The following GRID2 variants were observed in gnomAD, a reference collection of about 807,000 sequenced individuals.
The protein encoded by GRID2 is glutamate receptor ionotropic, delta-2.
In GRID2, 33 loss-of-function variants were observed where a neutral mutation model predicts 114.8. The ratio of observed to expected loss-of-function variants is 0.29; its 90% CI spans 0.22 to 0.38. The LOEUF (loss-of-function observed/expected upper bound fraction) is 0.38, where lower values mean the gene tolerates loss of function less well. Ranked by LOEUF, GRID2 falls within the 10% of genes least tolerant of loss-of-function variation. GRID2 has a pLI of 1.00. For synonymous variants in GRID2, 505 were observed against 449.9 expected (o/e 1.12, Z -1.55); for missense variants, 1,184 against 1,257.7 (o/e 0.94, Z 0.89).
intron 8 of GRID2, among the ~76,000 whole-genome samples, chr4:93,258,125 T>G (rs1749829949): frequency 6.6e-6 from 1 of 151,284 alleles, no homozygotes; most frequent in African/African-American, 2.4e-5. Flanking sequence ...ATTAAAAAAT[T>G]TTATTCTCAT....
chr4:93,069,202 C>T (rs1279142932), intron 2 of GRID2, among the ~76,000 whole-genome samples: 1 of 151,346 alleles, frequency 6.6e-6, no homozygotes, highest in Non-Finnish European at 1.5e-5. Context: ...TGGGTGGGGA[C>T]AACATCCAAA....
At position 93,074,267 on chromosome 4, in the gene GRID2, A is replaced by G. The variant is rs117673676; in HGVS notation, c.245-10728A>G. On this transcript the variant is annotated intron_variant, in intron 2 of 15. Coordinates refer to ENST00000282020, the MANE Select transcript of GRID2 (RefSeq NM_001510.4). ...AGGAGAGTCTGTATCAATATATTCTATTTACCTCAGTCTGCAGTCTCTTAC... is the reference window on the plus strand; with the variant it reads ...AGGAGAGTCTGTATCAATATATTCTGTTTACCTCAGTCTGCAGTCTCTTAC... 2.0e-5 allele frequency among the ~76,000 whole-genome samples: 3 copies of G among 152,330 alleles called. No individual in the cohort carries two copies. In the East Asian group the frequency reaches 5.8e-4, roughly 29 times the overall value.
At chr4:92,667,789 T>C (rs1732861861) in intron 2 of GRID2, among the ~76,000 whole-genome samples, 1 of 151,780 alleles carries the variant, frequency 6.6e-6, no homozygotes, top group African/African-American at 2.4e-5. Context: ...TCTCATTCTC[T>C]TGCTTGGATT....
chr4:93,620,443 G>A (rs184410153), intron 13 of GRID2, among the ~76,000 whole-genome samples: 2 of 152,146 alleles, frequency 1.3e-5, no homozygotes, highest in Non-Finnish European at 2.9e-5. Context: ...AACAGGTAGC[G>A]ATAAGTCTGT....
At chr4:92,796,866 C>G (rs183051000) in intron 2 of GRID2, among the ~76,000 whole-genome samples, 2 of 151,950 alleles carry the variant, frequency 1.3e-5, no homozygotes, top group Admixed American at 1.3e-4. Context: ...ATGTTAGAGT[C>G]TATAGGTAGG....
chr4:93,421,101 G>A (rs934508631), intron 9 of GRID2, among the ~76,000 whole-genome samples: 8 of 152,082 alleles, frequency 5.3e-5, no homozygotes, highest in East Asian at 3.9e-4. Context: ...TCAGTGTCAG[G>A]GACATAGACT....
intron 2 of GRID2, among the ~76,000 whole-genome samples, chr4:92,825,787 C>T (rs542420773): frequency 2.0e-5 from 3 of 152,256 alleles, no homozygotes; most frequent in South Asian, 2.1e-4. Context: ...GTTCAATAGA[C>T]ACCTGGACAT....
intron 1 of GRID2, among the ~76,000 whole-genome samples, chr4:93,784,090 A>AAAAAAAAC (rs1734542128): frequency 6.7e-6 from 1 of 149,762 alleles, no homozygotes; most frequent in African/African-American, 2.5e-5. Flanking sequence ...AAAAAAAAAA[A>AAAAAAAAC]AAAAAAAAAC....
rs137929535 is a variant in GRID2, at chr4:92,420,859, A to G, written c.88+116115A>G. On this transcript the variant is annotated intron_variant, in intron 1 of 15. Coordinates refer to ENST00000282020, the MANE Select transcript of GRID2 (RefSeq NM_001510.4). ...GCCATCATGCCCAGCTAATTTTTGT[A>G]TTTTCAGAAGAGATAGTGTTTTCAC... Among the ~76,000 whole-genome samples the G allele has an allele frequency of 3.3e-3, 497 of 152,000 alleles. 4 individuals are homozygous for G. The highest frequency in any genetic ancestry group is 0.011 in the African/African-American group (448 of 41,466).
In GRID2 at chr4:93,161,587, A is replaced by G. The variant is rs553657651; in HGVS notation, c.736-45817A>G. Among the ~76,000 whole-genome samples, 251 of 151,934 alleles carry G rather than the reference A, an allele frequency of 1.7e-3. 1 individual carries two copies. The highest frequency in any genetic ancestry group is 0.014 in the Middle Eastern group (4 of 294). ...CAAACTTACTACATAATTATCGTTC[A>G]TGTGGTCTTTAGACCAGATTTTGAA... On this transcript the variant is annotated intron_variant, in intron 4 of 15. Transcript: ENST00000282020.
rs72873083 is a variant in GRID2, at chr4:93,687,208, C to T, written c.2360+60773C>T. 9.4e-3 allele frequency among the ~76,000 whole-genome samples: 1,426 copies of T among 152,032 alleles called. 24 individuals are homozygous for T. Among genetic ancestry groups the T allele is most frequent in the African/African-American group, 0.032 (1,329 of 41,500 alleles). ...TAAAGGATGTCTCTCAAATGTTTGG[C>T]CTTTGCACCAGAAAGATGGAGTACC... On this transcript the variant is annotated intron_variant, in intron 14 of 15. Coordinates refer to ENST00000282020, the MANE Select transcript of GRID2 (RefSeq NM_001510.4).
intron 1 of GRID2, among the ~76,000 whole-genome samples, chr4:92,444,663 T>C (rs1434645950): frequency 2.0e-5 from 3 of 152,148 alleles, no homozygotes; most frequent in Non-Finnish European, 4.4e-5. Context: ...CATTTCGTAC[T>C]ATGGATATAA....
intron 1 of GRID2, among the ~76,000 whole-genome samples, chr4:92,356,328 T>C (rs952718434): frequency 6.6e-6 from 1 of 151,502 alleles, no homozygotes; most frequent in Non-Finnish European, 1.5e-5. Context: ...GTTCACTATT[T>C]TAAGTGCAAA....
intron 2 of GRID2, among the ~76,000 whole-genome samples, chr4:93,061,771 C>T (rs1189292256): frequency 2.6e-5 from 4 of 152,070 alleles, no homozygotes. Flanking sequence ...ACACATTTTG[C>T]TTTTTAAATG....
intron 8 of GRID2, among the ~76,000 whole-genome samples, chr4:93,394,091 A>G (rs752918596): frequency 6.6e-6 from 1 of 152,030 alleles, no homozygotes; most frequent in African/African-American, 2.4e-5. Flanking sequence ...TAGAAAAAGC[A>G]CACATCAGGG....
At chr4:93,337,051 C>A (rs1759163713) in intron 8 of GRID2, among the ~76,000 whole-genome samples, 1 of 152,082 alleles carries the variant, frequency 6.6e-6, no homozygotes, top group Admixed American at 6.6e-5. Context: ...ATTACTAGTA[C>A]TTTTCATGTA....
chr4:93,731,348 AGC>A (rs1335747069), intron 14 of GRID2, among the ~76,000 whole-genome samples: 1 of 152,072 alleles, frequency 6.6e-6, no homozygotes, highest in African/African-American at 2.4e-5. Flanking sequence ...TGAAAATTAG[AGC>A]GCAATAGGTT....
At chr4:93,339,509 A>G (rs994958930) in intron 8 of GRID2, among the ~76,000 whole-genome samples, 2 of 152,142 alleles carry the variant, frequency 1.3e-5, no homozygotes, top group East Asian at 1.9e-4. Flanking sequence ...GTTCCCCTGC[A>G]GGTTTCAGAG....
intron 2 of GRID2, among the ~76,000 whole-genome samples, chr4:93,043,465 C>T (rs1181257497): frequency 6.6e-6 from 1 of 152,108 alleles, no homozygotes. Context: ...CAAAGTCAGT[C>T]TGCAATGGCT....
Sources: gnomAD v4.1 joint callset for allele counts (sites outside exome capture counted in the v4.1 genomes callset) on GRCh38, gnomAD v4.1.1 for gene constraint, MANE v1.5 for transcripts, NCBI Gene and HGNC (gene_info 2026-07-23, HGNC 2026-07-21) for gene names.